Variants in P2RX5 observed in about 807,000 individuals in gnomAD.
The protein encoded by P2RX5 is P2X purinoceptor 5.
In P2RX5, 46 loss-of-function variants were observed where a neutral mutation model predicts 54.1. The observed-to-expected ratio is 0.85, with a 90% CI of 0.67 to 1.09. The LOEUF (loss-of-function observed/expected upper bound fraction) is 1.09. Among genes scored for constraint, P2RX5 ranks in the 50% least tolerant of loss-of-function variants. The pLI, the probability that P2RX5 is intolerant of heterozygous loss-of-function variation, is 0.00. For missense variants in P2RX5, 566 were observed against 549.8 expected, an observed-to-expected ratio of 1.03 and a Z score of -0.29; for synonymous variants, 226 against 226.4, an observed-to-expected ratio of 1.00 and a Z score of 0.02.
In P2RX5 at chr17:3,681,961, G is replaced by T. The variant is rs144426111; in HGVS notation, c.999C>A (p.Asp333Glu). 130 of 1,613,072 alleles carry T rather than the reference G, an allele frequency of 8.1e-5. No individual in the cohort carries two copies. The highest frequency in any genetic ancestry group is 1.1e-4 in the Non-Finnish European group (125 of 1,179,258). ...MVNGKGAFFCDLVLIYLIKKR... is the reference protein window; with the variant it reads ...MVNGKGAFFCELVLIYLIKKR... ...TTTTGATGAGGTAGATGAGTACCAG[G>T]TCGCAGAAGAAAGCACCCTGCAAAA... The change falls in exon 10 of 12, where the codon GAC becomes GAA. Residue 333 changes from aspartate to glutamate, a missense_variant. Physicochemically the swap from Asp to Glu is conservative, Grantham distance 45. Coordinates refer to ENST00000225328, the MANE Select transcript of P2RX5 (RefSeq NM_002561.4).
chr17:3,723,738 T>C, the P2RX5 span: 13 of 1,607,144 alleles, frequency 8.1e-6, no homozygotes, highest in Non-Finnish European at 1.1e-5. Context: ...GTGCACACCG[T>C]GGAGGCCTGA....
the P2RX5 span, among the ~76,000 whole-genome samples, chr17:3,712,937 C>T: frequency 0.015 from 2,293 of 152,010 alleles, 38 homozygotes; most frequent in African/African-American, 0.034. Context: ...AGTGAGACTC[C>T]GTCTCCAAAA....
In P2RX5 at chr17:3,689,482, C is replaced by A. The variant is rs138191529; in HGVS notation, c.753+10G>T. The A allele has an allele frequency of 7.1e-5, 114 of 1,613,742 alleles. No individual in the cohort carries two copies. In the African/African-American group the frequency reaches 1.4e-3, roughly 20 times the overall value. Reference sequence around the variant, plus strand: ...CCTCAGGGAGGGCTCCCTGCGTGCACCCCACCCACCTCCAGGGCTATATCC... The same window carrying A: ...CCTCAGGGAGGGCTCCCTGCGTGCAACCCACCCACCTCCAGGGCTATATCC... On this transcript the variant is annotated intron_variant, in intron 7 of 11. Coordinates refer to ENST00000225328, the MANE Select transcript of P2RX5 (RefSeq NM_002561.4).
At position 3,688,013 on chromosome 17, in the gene P2RX5, T is replaced by C; in HGVS notation, c.980A>G (p.Lys327Arg). Residue 327 changes from lysine (K) to arginine (R), a missense_variant and splice_region_variant, in exon 9 of 12, where the codon AAG becomes AGG. Physicochemically the swap from Lys to Arg is conservative, Grantham distance 26. Transcript: ENST00000225328. ...CAGAACAGGAGAAGGCACACGCACC[T>C]TGCCGTTCACCATCACGTCAAAGCG... is the stretch of plus-strand genomic sequence containing the variant. ...GIRFDVMVNG[K>R]GAFFCDLVLI... 2.1e-6 allele frequency: 3 copies of C among 1,457,008 alleles called. No individual in the cohort carries two copies. Among genetic ancestry groups the C allele is most frequent in the Non-Finnish European group, 2.8e-6 (3 of 1,065,054 alleles). 90.3% of individuals were successfully genotyped at this position (1,457,008 alleles called of 1,614,324 possible).
rs903206948 is a variant in P2RX5 at position 3,681,083 on chromosome 17, C to T, written c.1064+813G>A. On this transcript the variant is annotated intron_variant, in intron 10 of 11. Transcript: ENST00000225328. ...CATCCTCCACCCAGCGTCCTCCACC[C>T]GGCTTCCTCTACCCTGCTTCCTTCA... 8.5e-5 allele frequency among the ~76,000 whole-genome samples: 13 copies of T among 152,316 alleles called. 2 individuals are homozygous for T. The highest frequency in any genetic ancestry group is 3.9e-4 in the East Asian group (2 of 5,188).
intron 11 of P2RX5, chr17:3,677,654 G>A: frequency 1.0e-6 from 1 of 985,330 alleles, no homozygotes; most frequent in Non-Finnish European, 1.2e-6. Flanking sequence ...TGTTGGCTTT[G>A]GAGGAATTAC....
chr17:3,679,537 AC>A (rs1348821794), intron 11 of P2RX5, 52 bp downstream of exon 11: 19 of 1,549,902 alleles, frequency 1.2e-5, no homozygotes, highest in Non-Finnish European at 8.8e-6. Flanking sequence ...CCAACTGGGG[AC>A]CCCTCTCTGC....
upstream of P2RX5, among the ~76,000 whole-genome samples, chr17:3,698,266 G>A (rs1453464523): frequency 4.6e-5 from 7 of 152,052 alleles, no homozygotes; most frequent in African/African-American, 7.2e-5. Flanking sequence ...AAGGTATAGA[G>A]GGGAGGTGGA....
intron 1 of P2RX5, 121 bp downstream of exon 1, chr17:3,695,748 C>A: frequency 2.4e-6 from 3 of 1,230,016 alleles, no homozygotes; most frequent in Non-Finnish European, 3.6e-6. Context: ...GGCTCACAGA[C>A]CCCCAGCTAC....
intron 9 of P2RX5, chr17:3,682,824 A>C (rs1205628303): frequency 6.6e-6 from 1 of 152,334 alleles, no homozygotes; most frequent in African/African-American, 2.4e-5. Flanking sequence ...CAGGAGTTCG[A>C]GACCAGCCTG....
intron 9 of P2RX5, among the ~76,000 whole-genome samples, chr17:3,683,924 C>A (rs1252104444): frequency 6.6e-6 from 1 of 152,160 alleles, no homozygotes; most frequent in East Asian, 1.9e-4. Context: ...ACAAAAGTCA[C>A]CCCTGGGTCC....
chr17:3,677,229 T>C, intron 11 of P2RX5: 4 of 985,308 alleles, frequency 4.1e-6, no homozygotes, highest in Non-Finnish European at 4.8e-6. Context: ...GCGCCATCCT[T>C]GATCTCATTA....
the P2RX5 span, among the ~76,000 whole-genome samples, chr17:3,704,850 T>C: frequency 1.4e-4 from 21 of 151,976 alleles, no homozygotes; most frequent in Non-Finnish European, 1.5e-4. Context: ...CTACTAAAAA[T>C]ACAAAATTAG....
intron 11 of P2RX5, chr17:3,675,363 T>C (rs1165181467): frequency 3.0e-6 from 3 of 985,094 alleles, no homozygotes; most frequent in Non-Finnish European, 3.6e-6. Flanking sequence ...TGTTGCAATA[T>C]GAAACAAATA....
At chr17:3,680,381 C>A (rs188276384) in intron 10 of P2RX5, among the ~76,000 whole-genome samples, 142 of 140,282 alleles carry the variant, frequency 1.0e-3, no homozygotes, top group Middle Eastern at 4.3e-3. Context: ...GTCCTCCACC[C>A]TGCATCCTCC....
At chr17:3,723,239 C>T in the P2RX5 span, 2 of 1,212,248 alleles carry the variant, frequency 1.6e-6, no homozygotes, top group Non-Finnish European at 2.5e-6. Context: ...AGGGGCGATG[C>T]CCGTGAGCAA....
At chr17:3,719,819 C>G in the P2RX5 span, among the ~76,000 whole-genome samples, 1 of 148,870 alleles carries the variant, frequency 6.7e-6, no homozygotes, top group African/African-American at 2.5e-5. Context: ...CCTCTGCCTC[C>G]CAGATTCAAG....
chr17:3,711,370 C>CT, the P2RX5 span, among the ~76,000 whole-genome samples: 4,967 of 62,956 alleles, frequency 0.079, 1,268 homozygotes, highest in Non-Finnish European at 0.11. Context: ...AGCACTCATT[C>CT]TTTTTTTTTT....
Position 3,679,637 on chromosome 17 carries a change from AC to A in P2RX5, c.1211del (p.Ser404IlefsTer73), listed in dbSNP as rs2050183715. ...EPPEAKRGSS[S>X]QKGNGSVCPQ... ...GGCACACAGATCCGTTCCCCTTCTG[AC>A]TGCTGCTTCCACGCTTCGCCTCGGG... On this transcript the variant is annotated frameshift_variant, in exon 11 of 12. Transcript: ENST00000225328. LOFTEE classifies it low-confidence loss of function (END_TRUNC). 6.2e-7 allele frequency: 1 copy of A among 1,609,714 alleles called. No homozygotes were observed. Among genetic ancestry groups the A allele is most frequent in the Non-Finnish European group, 8.5e-7 (1 of 1,179,820 alleles).
Sources: gnomAD v4.1 joint callset for allele counts (sites outside exome capture counted in the v4.1 genomes callset) on GRCh38, gnomAD v4.1.1 for gene constraint, MANE v1.5 for transcripts, NCBI Gene and HGNC (gene_info 2026-07-23, HGNC 2026-07-21) for gene names.